Variants in SYT17 observed in about 807,000 individuals in gnomAD.
SYT17 encodes synaptotagmin 17.
A neutral mutation model predicts 46.7 loss-of-function variants in SYT17; 22 were observed. That is an observed-to-expected ratio of 0.47 (90% CI 0.34 to 0.67). The LOEUF is 0.67. SYT17 is among the 30% of genes least tolerant of loss of function. The pLI, the probability that SYT17 is intolerant of heterozygous loss-of-function variation, is 0.01. For synonymous variants in SYT17, 251 were observed against 248.4 expected (o/e 1.01, Z -0.10); for missense variants, 519 against 612.8 (o/e 0.85, Z 1.62).
intron 3 of SYT17, among the ~76,000 whole-genome samples, chr16:19,178,306 C>T (rs535816187): frequency 4.0e-5 from 6 of 151,840 alleles, no homozygotes; most frequent in African/African-American, 9.7e-5. Flanking sequence ...AGGATGGTCT[C>T]GATGTCCTGA....
chr16:19,267,384 G>T lies in SYT17; in HGVS notation c.*308G>T. On this transcript the variant is annotated 3_prime_UTR_variant, in exon 8 of 8. Transcript: ENST00000355377. ...AGTGCCTGCTCTTGTCAATACTCCT[G>T]CCCCAAAATGCACTTTCAACCCTCA... The T allele has an allele frequency of 4.6e-6, 1 of 219,456 alleles. No individual in the cohort carries two copies. Among genetic ancestry groups the T allele is most frequent in the Non-Finnish European group, 8.9e-6 (1 of 112,406 alleles). The allele number at this position is 219,456 out of a possible 1,614,324, so 13.6% of individuals were successfully genotyped here.
At chr16:19,195,591 C>G (rs147669240) in intron 5 of SYT17, among the ~76,000 whole-genome samples, 4,580 of 152,002 alleles carry the variant, frequency 0.03, 92 homozygotes, top group South Asian at 0.1. Context: ...TGGTGGGCGC[C>G]TCTAATCCTA....
intron 5 of SYT17, among the ~76,000 whole-genome samples, chr16:19,199,773 G>A (rs1965391436): frequency 6.6e-6 from 1 of 152,052 alleles, no homozygotes; most frequent in South Asian, 2.1e-4. Context: ...GGATGATATT[G>A]ATATCTATGA....
chr16:19,189,282 C>T (rs1964917207), intron 5 of SYT17, among the ~76,000 whole-genome samples: 1 of 151,966 alleles, frequency 6.6e-6, no homozygotes, highest in Non-Finnish European at 1.5e-5. Context: ...ATACAATGAC[C>T]CAATTTCCAA....
chr16:19,243,429 T>C (rs1238919558), intron 7 of SYT17, among the ~76,000 whole-genome samples: 1 of 152,184 alleles, frequency 6.6e-6, no homozygotes, highest in Non-Finnish European at 1.5e-5. Flanking sequence ...GGATGACTTG[T>C]GGGTGGGTTC....
chr16:19,205,123 A>G (rs1317512917), intron 5 of SYT17, among the ~76,000 whole-genome samples: 1 of 152,180 alleles, frequency 6.6e-6, no homozygotes, highest in East Asian at 1.9e-4. Flanking sequence ...AGCCAGGGGA[A>G]TACAGTAAAA....
chr16:19,205,554 C>G (rs943348181), intron 5 of SYT17, among the ~76,000 whole-genome samples: 2 of 152,116 alleles, frequency 1.3e-5, no homozygotes, highest in African/African-American at 2.4e-5. Context: ...ATTCTCGTGC[C>G]TCAGCCTCCT....
intron 5 of SYT17, among the ~76,000 whole-genome samples, chr16:19,187,578 T>C (rs1026488924): frequency 2.0e-5 from 3 of 152,172 alleles, no homozygotes; most frequent in Admixed American, 1.3e-4. Flanking sequence ...ACCAGACTCA[T>C]ACTAGTGAGG....
chr16:19,252,494 C>T (rs78975305), intron 7 of SYT17, among the ~76,000 whole-genome samples: 3 of 13,120 alleles, frequency 2.3e-4, no homozygotes, highest in African/African-American at 1.1e-3. Flanking sequence ...TATATATATA[C>T]ATATATATAT....
chr16:19,198,177 A>G (rs1185686731), intron 5 of SYT17, among the ~76,000 whole-genome samples: 5 of 152,228 alleles, frequency 3.3e-5, no homozygotes, highest in Admixed American at 6.5e-5. Flanking sequence ...GCTATTGTAT[A>G]TGAAATTGAC....
At chr16:19,215,135 C>G (rs1286802663) in intron 5 of SYT17, among the ~76,000 whole-genome samples, 1 of 152,208 alleles carries the variant, frequency 6.6e-6, no homozygotes, top group African/African-American at 2.4e-5. Context: ...CAGCAATGTT[C>G]TGATTTCTCA....
rs371535905 is a variant in SYT17, at chr16:19,195,738, C to T, written c.951+11591C>T. On this transcript the variant is annotated intron_variant, in intron 5 of 7. Coordinates refer to ENST00000355377, the MANE Select transcript of SYT17 (RefSeq NM_016524.4). ...CCATCTCACTCCTGTAATCCTAGCA[C>T]TTTGGGAGGCCAAGGCGGGGGGATT... Among the ~76,000 whole-genome samples the T allele has an allele frequency of 6.6e-5, 10 of 152,026 alleles. No homozygotes were observed. The South Asian group carries it at 1.9e-3, about 28-fold the overall frequency.
At chr16:19,239,656 A>T (rs547421633) in intron 7 of SYT17, among the ~76,000 whole-genome samples, 1 of 152,336 alleles carries the variant, frequency 6.6e-6, no homozygotes, top group South Asian at 2.1e-4. Flanking sequence ...CTGCATAGAA[A>T]CGCTATGACA....
At chr16:19,255,075 C>T (rs370922724) in intron 7 of SYT17, among the ~76,000 whole-genome samples, 2 of 152,164 alleles carry the variant, frequency 1.3e-5, no homozygotes, top group South Asian at 2.1e-4. Flanking sequence ...CCCTTAAATT[C>T]GCTCTAAATT....
In SYT17 at chr16:19,260,826, T is replaced by G. The variant is rs1046915600; in HGVS notation, c.1229-6054T>G. Among the ~76,000 whole-genome samples the G allele has an allele frequency of 3.9e-5, 6 of 152,192 alleles. 1 individual carries two copies. The highest frequency in any genetic ancestry group is 8.8e-5 in the Non-Finnish European group (6 of 68,032). On this transcript the variant is annotated intron_variant, in intron 7 of 7. Transcript: ENST00000355377. ...CAAAATTTTTAGTTATGGATGTTTC[T>G]AAAGAGAAGGAATTTAGGAATGTGG...
intron 3 of SYT17, among the ~76,000 whole-genome samples, chr16:19,175,716 C>T (rs938990674): frequency 6.6e-6 from 1 of 150,938 alleles, no homozygotes; most frequent in African/African-American, 2.4e-5. Flanking sequence ...CATCTGATGT[C>T]CTTAAAGCTA....
At chr16:19,174,552 C>G (rs934382412) in intron 3 of SYT17, among the ~76,000 whole-genome samples, 3 of 152,154 alleles carry the variant, frequency 2.0e-5, no homozygotes, top group African/African-American at 7.2e-5. Context: ...GGGGCTCATG[C>G]CTCAGGCCTC....
At chr16:19,258,843 G>A (rs1968767050) in intron 7 of SYT17, among the ~76,000 whole-genome samples, 1 of 152,114 alleles carries the variant, frequency 6.6e-6, no homozygotes, top group Admixed American at 6.6e-5. Flanking sequence ...GATTAAATGA[G>A]TCAATCCACT....
chr16:19,249,086 A>T (rs899017090), intron 7 of SYT17, among the ~76,000 whole-genome samples: 1 of 152,076 alleles, frequency 6.6e-6, no homozygotes, highest in African/African-American at 2.4e-5. Flanking sequence ...CATCCTGGCT[A>T]ACATGGTGAA....
Sources: gnomAD v4.1 joint callset for allele counts (sites outside exome capture counted in the v4.1 genomes callset) on GRCh38, gnomAD v4.1.1 for gene constraint, MANE v1.5 for transcripts, NCBI Gene and HGNC (gene_info 2026-07-23, HGNC 2026-07-21) for gene names.